NAALADL2: variants seen among roughly 807,000 people sequenced by gnomAD.
NAALADL2 encodes the protein N-acetylated alpha-linked acidic dipeptidase like 2.
Under a neutral mutation model 87.2 loss-of-function variants are expected in NAALADL2, and 76 were observed. The observed-to-expected ratio is 0.87, with a 90% confidence interval of 0.72 to 1.05. The LOEUF is 1.05. Ranked by LOEUF, NAALADL2 falls within the 50% of genes least tolerant of loss-of-function variation. The pLI is 0.00. For missense variants in NAALADL2, 1,089 were observed against 945.8 expected, an observed-to-expected ratio of 1.15 and a Z score of -1.99; for synonymous variants, 354 against 331.0, an observed-to-expected ratio of 1.07 and a Z score of -0.75.
At chr3:174,938,947 G>T (rs142621947) in intron 1 of NAALADL2, among the ~76,000 whole-genome samples, 2 of 151,834 alleles carry the variant, frequency 1.3e-5, no homozygotes, top group Non-Finnish European at 2.9e-5. Flanking sequence ...AGAGTAAGCA[G>T]ATATTTTCTC....
chr3:175,205,839 T>C (rs538283443), intron 2 of NAALADL2, among the ~76,000 whole-genome samples: 1 of 145,284 alleles, frequency 6.9e-6, no homozygotes, highest in Non-Finnish European at 1.5e-5. Context: ...AAAAAAAAAA[T>C]GAAAAAATGC....
chr3:175,641,335 T>C (rs1430334590), intron 11 of NAALADL2, among the ~76,000 whole-genome samples: 1 of 152,208 alleles, frequency 6.6e-6, no homozygotes, highest in Non-Finnish European at 1.5e-5. Context: ...TATTTATATT[T>C]TCCTTTCTCC....
At chr3:175,549,313 T>C (rs1275472691) in intron 9 of NAALADL2, among the ~76,000 whole-genome samples, 1 of 152,040 alleles carries the variant, frequency 6.6e-6, no homozygotes, top group African/African-American at 2.4e-5. Flanking sequence ...CTAACTGTCA[T>C]GTTATTTTCC....
intron 3 of NAALADL2, among the ~76,000 whole-genome samples, chr3:174,833,677 A>T (rs558079636): frequency 2.6e-5 from 4 of 152,104 alleles, no homozygotes; most frequent in African/African-American, 4.8e-5. Context: ...ATCAAATTCA[A>T]TGCAGCTATA....
At chr3:175,471,497 GAAAGAA>G (rs1234205263) in intron 8 of NAALADL2, 136 bp from the exon 9 acceptor site, 181 of 512,150 alleles carry the variant, frequency 3.5e-4, no homozygotes, top group South Asian at 2.3e-3. Flanking sequence ...AAGAAAGAAA[GAAAGAA>G]AAAAAAAAAG....
chr3:175,523,460 A>T (rs1732944589), intron 9 of NAALADL2, among the ~76,000 whole-genome samples: 1 of 152,348 alleles, frequency 6.6e-6, no homozygotes, highest in South Asian at 2.1e-4. Flanking sequence ...AGATAATCCA[A>T]TATTCTGCAC....
intron 13 of NAALADL2, among the ~76,000 whole-genome samples, chr3:175,775,864 A>G (rs1750164138): frequency 6.6e-6 from 1 of 152,182 alleles, no homozygotes; most frequent in Non-Finnish European, 1.5e-5. Flanking sequence ...CCACACTTGT[A>G]GTATTAGTGG....
At chr3:174,559,560 A>G (rs1300004044) in intron 2 of NAALADL2, among the ~76,000 whole-genome samples, 1 of 152,162 alleles carries the variant, frequency 6.6e-6, no homozygotes, top group Non-Finnish European at 1.5e-5. Flanking sequence ...GCTATAACAA[A>G]ATACTATAGA....
chr3:174,709,642 TA>T (rs992663234), intron 2 of NAALADL2, among the ~76,000 whole-genome samples: 13 of 152,190 alleles, frequency 8.5e-5, no homozygotes, highest in Middle Eastern at 3.4e-3. Context: ...ATCAGAGGAA[TA>T]AAAAAATGTT....
chr3:174,741,243 C>T (rs1322860584), intron 3 of NAALADL2, among the ~76,000 whole-genome samples: 1 of 151,564 alleles, frequency 6.6e-6, no homozygotes, highest in African/African-American at 2.4e-5. Flanking sequence ...AAGTTCATCC[C>T]TCCGTCAATG....
intron 1 of NAALADL2, among the ~76,000 whole-genome samples, chr3:175,038,240 A>C (rs910377090): frequency 2.6e-5 from 4 of 152,184 alleles, no homozygotes; most frequent in Admixed American, 1.3e-4. Flanking sequence ...AAATCTTCTT[A>C]TAAAACACAA....
chr3:175,399,078 T>G lies in NAALADL2; in HGVS notation c.1091-48151T>G, dbSNP rs570267033. 2.0e-5 allele frequency among the ~76,000 whole-genome samples: 3 copies of G among 152,234 alleles called. No homozygotes were observed. The East Asian group carries it at 5.8e-4, about 29-fold the overall frequency. ...AAAAATAAAAAAAAGAGAATACTTT[T>G]TTTTAACCTAGGTACTTTCTTTTAC... On this transcript the variant is annotated intron_variant, in intron 5 of 13. Transcript: ENST00000454872.
At chr3:174,895,213 A>C (rs2109820162) in intron 1 of NAALADL2, among the ~76,000 whole-genome samples, 1 of 152,276 alleles carries the variant, frequency 6.6e-6, no homozygotes, top group African/African-American at 2.4e-5. Flanking sequence ...AAATGAAATA[A>C]ACAATACAAA....
intron 11 of NAALADL2, among the ~76,000 whole-genome samples, chr3:175,707,999 TG>T (rs922986975): frequency 2.6e-5 from 4 of 151,260 alleles, no homozygotes; most frequent in African/African-American, 9.7e-5. Context: ...ACTGAAGACA[TG>T]GGGGAAAAAA....
Position 175,484,509 on chromosome 3 carries a change from A to C in NAALADL2, c.1653+12751A>C, listed in dbSNP as rs369453788. ...CCATTAATTCTAAGAAAATAACATAAGTCAACTCACTTTCTTTAATAAAGA... is the reference window on the plus strand; with the variant it reads ...CCATTAATTCTAAGAAAATAACATACGTCAACTCACTTTCTTTAATAAAGA... On this transcript the variant is annotated intron_variant, in intron 9 of 13. Coordinates refer to ENST00000454872, the MANE Select transcript of NAALADL2 (RefSeq NM_207015.3). Among the ~76,000 whole-genome samples the C allele has an allele frequency of 2.6e-5, 4 of 152,128 alleles. 1 individual carries two copies. Among genetic ancestry groups the C allele is most frequent in the Non-Finnish European group, 4.4e-5 (3 of 68,002 alleles).
chr3:174,988,390 C>A (rs1414975319), intron 1 of NAALADL2, among the ~76,000 whole-genome samples: 1 of 152,116 alleles, frequency 6.6e-6, no homozygotes, highest in Non-Finnish European at 1.5e-5. Flanking sequence ...GTTTCATAAT[C>A]CTAACGGTAA....
chr3:175,246,682 A>G (rs1026160349), intron 3 of NAALADL2, among the ~76,000 whole-genome samples: 26 of 152,134 alleles, frequency 1.7e-4, no homozygotes, highest in African/African-American at 5.1e-4. Context: ...AGGAAATAAT[A>G]ATTCTGCTTT....
intron 3 of NAALADL2, among the ~76,000 whole-genome samples, chr3:174,803,944 C>T (rs1001692996): frequency 2.6e-4 from 40 of 152,194 alleles, no homozygotes; most frequent in African/African-American, 8.9e-4. Context: ...ATTGTCGTGG[C>T]TATGCGGGCT....
intron 1 of NAALADL2, among the ~76,000 whole-genome samples, chr3:175,053,241 C>T (rs976890142): frequency 5.3e-5 from 8 of 152,074 alleles, no homozygotes; most frequent in Non-Finnish European, 1.2e-4. Flanking sequence ...TAAATATGCC[C>T]AATAAGTATA....
Sources: gnomAD v4.1 joint callset for allele counts (sites outside exome capture counted in the v4.1 genomes callset) on GRCh38, gnomAD v4.1.1 for gene constraint, MANE v1.5 for transcripts, NCBI Gene and HGNC (gene_info 2026-07-23, HGNC 2026-07-21) for gene names.